The following VAT1L variants were observed in gnomAD, a reference collection of about 807,000 sequenced individuals.
The protein encoded by VAT1L is putative NADPH-dependent quinone oxidoreductase VAT1L.
VAT1L carries 34 observed loss-of-function variants against 44.1 expected under a neutral mutation model. The ratio of observed to expected loss-of-function variants is 0.77; its 90% confidence interval spans 0.59 to 1.03. VAT1L has a LOEUF of 1.03. Among genes scored for constraint, VAT1L ranks in the 50% least tolerant of loss-of-function variants. The pLI is 0.00. For synonymous variants in VAT1L, 253 were observed against 202.2 expected, an observed-to-expected ratio of 1.25 and a Z score of -2.13; for missense variants, 615 against 538.8, an observed-to-expected ratio of 1.14 and a Z score of -1.40.
chr16:77,892,831 T>A, intron 7 of VAT1L: 1 of 853,774 alleles, frequency 1.2e-6, no homozygotes, highest in South Asian at 1.3e-5. Flanking sequence ...AAGGCATGAA[T>A]ATTGTGGAGG....
intron 7 of VAT1L, among the ~76,000 whole-genome samples, chr16:77,936,206 T>C (rs1408301025): frequency 6.6e-6 from 1 of 152,170 alleles, no homozygotes; most frequent in Non-Finnish European, 1.5e-5. Context: ...ACATTCCTGG[T>C]TATGTTACTA....
At chr16:77,967,065 G>A (rs916169199) in intron 7 of VAT1L, among the ~76,000 whole-genome samples, 2 of 151,506 alleles carry the variant, frequency 1.3e-5, no homozygotes, top group Admixed American at 6.6e-5. Flanking sequence ...TGTCACCCCC[G>A]CCGGGGTGCT....
At chr16:77,872,931 T>A (rs1383282302) in intron 4 of VAT1L, among the ~76,000 whole-genome samples, 1 of 152,186 alleles carries the variant, frequency 6.6e-6, no homozygotes, top group Non-Finnish European at 1.5e-5. Context: ...GACTCTGAAC[T>A]TGGGTCTTTC....
intron 3 of VAT1L, among the ~76,000 whole-genome samples, chr16:77,849,064 T>C (rs991760345): frequency 3.9e-5 from 6 of 151,978 alleles, no homozygotes; most frequent in African/African-American, 1.5e-4. Context: ...AGGGGAGGGA[T>C]AGCATTAGGA....
Position 77,957,418 on chromosome 16 carries a change from CA to C in VAT1L, c.1078-14424del, listed in dbSNP as rs1353422275. ...AGGGTTTTGTTGAAAGATTCAAAGC[CA>C]AAAAAAAGTTTAAAATCTATTTTTT... is the stretch of plus-strand genomic sequence containing the variant. On this transcript the variant is annotated intron_variant, in intron 7 of 8. Coordinates refer to ENST00000302536, the MANE Select transcript of VAT1L (RefSeq NM_020927.3). Among the ~76,000 whole-genome samples, 9 of 151,892 alleles carry C rather than the reference CA, an allele frequency of 5.9e-5. No individual in the cohort carries two copies. The East Asian group carries it at 9.7e-4, about 16-fold the overall frequency.
At chr16:77,807,213 G>T (rs1222622280) in intron 1 of VAT1L, among the ~76,000 whole-genome samples, 1 of 152,122 alleles carries the variant, frequency 6.6e-6, no homozygotes, top group Non-Finnish European at 1.5e-5. Flanking sequence ...TTCTTGTAGT[G>T]GGAGCTAGTG....
intron 7 of VAT1L, among the ~76,000 whole-genome samples, chr16:77,894,051 G>A (rs1032632776): frequency 6.6e-6 from 1 of 152,140 alleles, no homozygotes; most frequent in Admixed American, 6.5e-5. Context: ...AAGGTCACAC[G>A]GCCAATGCAT....
intron 7 of VAT1L, among the ~76,000 whole-genome samples, chr16:77,932,531 A>AT (rs1307583439): frequency 7.2e-5 from 11 of 152,200 alleles, no homozygotes; most frequent in African/African-American, 2.4e-4. Context: ...TCTTTTCTTC[A>AT]TATCTCACTG....
At chr16:77,945,809 T>C (rs74443412) in intron 7 of VAT1L, among the ~76,000 whole-genome samples, 3 of 151,442 alleles carry the variant, frequency 2.0e-5, no homozygotes, top group Admixed American at 1.3e-4. Flanking sequence ...TTTTTTTTTT[T>C]TTCTTTTTTT....
chr16:77,815,287 C>T (rs937213361), intron 1 of VAT1L, among the ~76,000 whole-genome samples: 1 of 152,198 alleles, frequency 6.6e-6, no homozygotes, highest in Non-Finnish European at 1.5e-5. Flanking sequence ...AATTAGCACT[C>T]AAACTGGCAG....
At chr16:77,876,521 A>G (rs3751765) in intron 5 of VAT1L, 48 bp downstream of exon 5, 510,335 of 1,529,064 alleles carry the variant, frequency 0.33, 88,915 homozygotes, top group East Asian at 0.57. Flanking sequence ...AGGTACCTCT[A>G]CATATGTGCC....
intron 3 of VAT1L, among the ~76,000 whole-genome samples, chr16:77,852,556 C>A (rs1458766428): frequency 6.6e-6 from 1 of 152,148 alleles, no homozygotes; most frequent in Admixed American, 6.5e-5. Flanking sequence ...ACTTTCTGAG[C>A]CTCAGTTTCC....
At chr16:77,854,964 C>G (rs1030805265) in intron 3 of VAT1L, among the ~76,000 whole-genome samples, 1 of 151,968 alleles carries the variant, frequency 6.6e-6, no homozygotes. Flanking sequence ...TGTTTTTGGC[C>G]CAGCTAAATA....
At chr16:77,875,266 C>G (rs571328150) in intron 4 of VAT1L, among the ~76,000 whole-genome samples, 1 of 152,298 alleles carries the variant, frequency 6.6e-6, no homozygotes, top group Non-Finnish European at 1.5e-5. Flanking sequence ...CTGACTTAGT[C>G]TCTGCACCCA....
At chr16:77,965,303 A>T (rs2018211416) in intron 7 of VAT1L, among the ~76,000 whole-genome samples, 2 of 152,182 alleles carry the variant, frequency 1.3e-5, no homozygotes, top group South Asian at 4.1e-4. Context: ...ATGCAGAGAG[A>T]GGAAGCCAGT....
chr16:77,884,810 T>C lies in VAT1L; in HGVS notation c.1077+8T>C. 1 of 1,470,942 alleles carries C rather than the reference T, an allele frequency of 6.8e-7. No individual in the cohort carries two copies. The highest frequency in any genetic ancestry group is 9.0e-7 in the Non-Finnish European group (1 of 1,112,764). 91.1% of individuals were successfully genotyped at this position (1,470,942 alleles called of 1,614,324 possible). ...TTGTGGGCTCTGGAGGAGGTAAGAA[T>C]GGTGCTTTTCTTCTGCAAATAAACT... On this transcript the variant is annotated splice_region_variant and intron_variant, in intron 7 of 8. Transcript: ENST00000302536. The surrounding 1 kb of genome is among the most constrained non-coding windows in gnomAD (Gnocchi z 4.5).
chr16:77,955,998 A>G (rs1236101247), intron 7 of VAT1L, among the ~76,000 whole-genome samples: 1 of 152,190 alleles, frequency 6.6e-6, no homozygotes, highest in Admixed American at 6.5e-5. Flanking sequence ...AACAATGGGT[A>G]AGACCTGTTT....
At chr16:77,959,033 A>T (rs1438780613) in intron 7 of VAT1L, among the ~76,000 whole-genome samples, 1 of 152,186 alleles carries the variant, frequency 6.6e-6, no homozygotes, top group Non-Finnish European at 1.5e-5. Flanking sequence ...TAGGGTATAA[A>T]ATGTAAGGCA....
chr16:77,850,458 T>C (rs913337719), intron 3 of VAT1L, among the ~76,000 whole-genome samples: 37 of 152,156 alleles, frequency 2.4e-4, no homozygotes, highest in African/African-American at 8.9e-4. Context: ...GGCCACCCTA[T>C]TAATTATTTT....
Sources: allele counts gnomAD v4.1 joint callset (sites outside exome capture counted in the v4.1 genomes callset), GRCh38; gene constraint gnomAD v4.1.1; non-coding constraint Gnocchi (gnomAD v3.1); transcripts MANE v1.5; gene names NCBI Gene and HGNC (gene_info 2026-07-23, HGNC 2026-07-21).